Variants in ZNF706 observed in about 807,000 individuals in gnomAD.
The protein encoded by ZNF706 is transcriptional regulator ZNF706.
Under a neutral mutation model 9.2 loss-of-function variants are expected in ZNF706, and 4 were observed. That is an observed-to-expected ratio of 0.43 (90% CI 0.21 to 0.99). The LOEUF (loss-of-function observed/expected upper bound fraction) is 0.99. Among genes scored for constraint, ZNF706 ranks in the 50% least tolerant of loss-of-function variants. The pLI is 0.26. For missense variants in ZNF706, 27 were observed against 87.8 expected (o/e 0.31, Z 2.77); for synonymous variants, 28 against 27.3 (o/e 1.03, Z -0.08).
rs977514704 is a variant in ZNF706 at position 101,197,753 on chromosome 8, A to C, written c.*1499T>G. 5 of 152,234 alleles carry C rather than the reference A, an allele frequency of 3.3e-5. No homozygotes were observed. The highest frequency in any genetic ancestry group is 7.4e-5 in the Non-Finnish European group (5 of 68,026). The allele number at this position is 152,234 out of a possible 1,614,324, so 9.4% of individuals were successfully genotyped here. On this transcript the variant is annotated 3_prime_UTR_variant, in exon 4 of 4. Transcript: ENST00000311212. ...CTTAGGAAATAAAATACACAAAATA[A>C]AAGGACTATTTTAAAGTAAGGGCAT...
chr8:101,205,453 G>C lies in ZNF706; in HGVS notation c.-21C>G, dbSNP rs1014244411. On this transcript the variant is annotated 5_prime_UTR_variant, in exon 1 of 4. Transcript: ENST00000311212. The surrounding 1 kb of genome is among the most constrained non-coding windows in gnomAD (Gnocchi z 6.6). ...CGCTCACCCGGGCCGGGACAGTCTT[G>C]CGTCGGAGAGACAGTGCAGCGCGAG... 4.6e-5 allele frequency: 7 copies of C among 152,550 alleles called. No individual in the cohort carries two copies. The highest frequency in any genetic ancestry group is 1.7e-4 in the African/African-American group (7 of 41,388). The allele number at this position is 152,550 out of a possible 1,614,324, so 9.4% of individuals were successfully genotyped here.
chr8:101,199,292 C>G (rs1364277669), intron 3 of ZNF706, 53 bp from the exon 4 acceptor site: 2 of 696,630 alleles, frequency 2.9e-6, no homozygotes, highest in Non-Finnish European at 5.2e-6. Context: ...ACAAATGCAA[C>G]TTACATGCAT....
chr8:101,204,159 T>C (rs2129910410), intron 1 of ZNF706: 1 of 152,354 alleles, frequency 6.6e-6, no homozygotes, highest in East Asian at 1.9e-4. Flanking sequence ...ATTTCAGAAG[T>C]TCCTTTGCTT....
Position 101,199,015 on chromosome 8 carries a change from A to C in ZNF706, c.*237T>G. 1 of 422,470 alleles carries C rather than the reference A, an allele frequency of 2.4e-6. No individual in the cohort carries two copies. 26.2% of individuals were successfully genotyped at this position (422,470 alleles called of 1,614,324 possible). A position where few individuals can be genotyped will look rare whatever the true frequency, so the allele number is the denominator to read the frequency against. On this transcript the variant is annotated 3_prime_UTR_variant, in exon 4 of 4. Coordinates refer to ENST00000311212, the MANE Select transcript of ZNF706 (RefSeq NM_016096.5). ...ATCAATATAATTACAATTGTAAAAA[A>C]ATTTTTTATAACAAGGATGGACTGA...
At chr8:101,199,312 C>T in intron 3 of ZNF706, 73 bp from the exon 4 acceptor site, 2 of 694,502 alleles carry the variant, frequency 2.9e-6, no homozygotes, top group Non-Finnish European at 5.3e-6. Context: ...TTTCAAATAA[C>T]TAAGAAGAAA....
At position 101,198,323 on chromosome 8, in the gene ZNF706, C is replaced by G. The variant is rs569945785; in HGVS notation, c.*929G>C. The G allele has an allele frequency of 7.0e-4, 106 of 152,342 alleles. No individual in the cohort carries two copies. Among genetic ancestry groups the G allele is most frequent in the African/African-American group, 2.5e-3 (104 of 41,582 alleles). The allele number at this position is 152,342 out of a possible 1,614,324, so 9.4% of individuals were successfully genotyped here. A position where few individuals can be genotyped will look rare whatever the true frequency, so the allele number is the denominator to read the frequency against. On this transcript the variant is annotated 3_prime_UTR_variant, in exon 4 of 4. Coordinates refer to ENST00000311212, the MANE Select transcript of ZNF706 (RefSeq NM_016096.5). ...TAATCCAGCCACAAGTCATTCCAAT[C>G]TTCCTGTTAATGCAAAATCCATTTG...
chr8:101,199,484 A>G (rs752324974), intron 3 of ZNF706, among the ~76,000 whole-genome samples: 1 of 152,074 alleles, frequency 6.6e-6, no homozygotes, highest in East Asian at 2.0e-4. Context: ...GTGTAAAGTG[A>G]TAACTTTCAA....
chr8:101,204,927 GGA>G, intron 1 of ZNF706: 1 of 985,622 alleles, frequency 1.0e-6, no homozygotes, highest in Non-Finnish European at 1.2e-6. Context: ...TTTGGGGAGA[GGA>G]GAGGAGGAAC....
intron 3 of ZNF706, 44 bp from the exon 4 acceptor site, chr8:101,199,283 C>T (rs575330143): frequency 2.9e-6 from 2 of 698,934 alleles, no homozygotes; most frequent in South Asian, 3.0e-5. Flanking sequence ...TACCATTGCA[C>T]AAATGCAACT....
At chr8:101,204,243 T>C (rs558264526) in intron 1 of ZNF706, 2 of 152,328 alleles carry the variant, frequency 1.3e-5, no homozygotes, top group East Asian at 1.9e-4. Context: ...ACACACAAAA[T>C]TATTTTTAAC....
chr8:101,205,635 G>A lies in ZNF706; in HGVS notation c.-203C>T, dbSNP rs1322613736. 3 of 159,596 alleles carry A rather than the reference G, an allele frequency of 1.9e-5. No homozygotes were observed. The highest frequency in any genetic ancestry group is 3.4e-4 in the South Asian group (2 of 5,868). The allele number at this position is 159,596 out of a possible 1,614,324, so 9.9% of individuals were successfully genotyped here. A position where few individuals can be genotyped will look rare whatever the true frequency, so the allele number is the denominator to read the frequency against. On this transcript the variant is annotated 5_prime_UTR_variant, in exon 1 of 4. Transcript: ENST00000311212. The surrounding 1 kb of genome is among the most constrained non-coding windows in gnomAD (Gnocchi z 6.6). ...CGCGCCCGCCGCCGCCTCAGCCTTA[G>A]GGGAGACCACTACGCCTCGTGCCCG...
chr8:101,199,332 GATA>G (rs1487097137), intron 3 of ZNF706, 93 bp from the exon 4 acceptor site: 2 of 679,098 alleles, frequency 2.9e-6, no homozygotes, highest in African/African-American at 3.6e-5. Context: ...ACACTATGAA[GATA>G]ATATCTGGTA....
At chr8:101,202,804 T>A (rs537709730) in intron 1 of ZNF706, 1 of 152,344 alleles carries the variant, frequency 6.6e-6, no homozygotes, top group Non-Finnish European at 1.5e-5. Flanking sequence ...TTGATCACTC[T>A]GCAAAAGTAA....
chr8:101,202,776 G>T (rs994198670), intron 1 of ZNF706: 2 of 152,084 alleles, frequency 1.3e-5, no homozygotes, highest in African/African-American at 4.8e-5. Flanking sequence ...AAAAAGTTTA[G>T]CCCCCGCTAT....
chr8:101,200,483 G>T (rs1810518634), intron 2 of ZNF706, among the ~76,000 whole-genome samples: 1 of 151,990 alleles, frequency 6.6e-6, no homozygotes, highest in South Asian at 2.1e-4. Flanking sequence ...ATTTGCCCAA[G>T]ACCTTATTTT....
Position 101,201,558 on chromosome 8 carries a change from C to A in ZNF706, c.135+49G>T, listed in dbSNP as rs760950632. On this transcript the variant is annotated intron_variant, in intron 2 of 3. Coordinates refer to ENST00000311212, the MANE Select transcript of ZNF706 (RefSeq NM_016096.5). The surrounding 1 kb of genome is among the most constrained non-coding windows in gnomAD (Gnocchi z 4.5). Reference sequence around the variant, plus strand: ...GTTTCAAAATTTTAATCTATTCAAGCCAAAACTGCCCACGGGAGAGCTGTA... The same window carrying A: ...GTTTCAAAATTTTAATCTATTCAAGACAAAACTGCCCACGGGAGAGCTGTA... The A allele has an allele frequency of 4.4e-6, 7 of 1,575,380 alleles. No homozygotes were observed. The highest frequency in any genetic ancestry group is 6.0e-6 in the Non-Finnish European group (7 of 1,161,154).
chr8:101,205,211 C>G lies in ZNF706; in HGVS notation c.-3+224G>C, dbSNP rs572035835. On this transcript the variant is annotated intron_variant, in intron 1 of 3. Coordinates refer to ENST00000311212, the MANE Select transcript of ZNF706 (RefSeq NM_016096.5). This position sits in a 1 kb window ranked among gnomAD's most constrained non-coding sequence, Gnocchi z 6.6. ...CGGCTGTCGCCGGGGGTAAGGTTAC[C>G]GCTCCGCTTCCGCGGCTGGCCTGCG... 1 of 152,450 alleles carries G rather than the reference C, an allele frequency of 6.6e-6. No individual in the cohort carries two copies. Among genetic ancestry groups the G allele is most frequent in the Non-Finnish European group, 1.5e-5 (1 of 68,310 alleles). 9.4% of individuals were successfully genotyped at this position (152,450 alleles called of 1,614,324 possible).
At position 101,197,678 on chromosome 8, in the gene ZNF706, A is replaced by G. The variant is rs1340446011; in HGVS notation, c.*1574T>C. 6.6e-6 allele frequency: 1 copy of G among 152,258 alleles called. No individual in the cohort carries two copies. Among genetic ancestry groups the G allele is most frequent in the Non-Finnish European group, 1.5e-5 (1 of 68,038 alleles). 9.4% of individuals were successfully genotyped at this position (152,258 alleles called of 1,614,324 possible). A position where few individuals can be genotyped will look rare whatever the true frequency, so the allele number is the denominator to read the frequency against. ...TCCACAAGAAATTAGGTAAAATTCT[A>G]ACGTTCTGGTAATCGACATGTTAGG... is the stretch of plus-strand genomic sequence containing the variant. On this transcript the variant is annotated 3_prime_UTR_variant, in exon 4 of 4. Coordinates refer to ENST00000311212, the MANE Select transcript of ZNF706 (RefSeq NM_016096.5).
Position 101,201,531 on chromosome 8 carries a change from T to A in ZNF706, c.135+76A>T, listed in dbSNP as rs530279504. 10 of 1,338,666 alleles carry A rather than the reference T, an allele frequency of 7.5e-6. No individual in the cohort carries two copies. The South Asian group carries it at 1.2e-4, about 17-fold the overall frequency. 82.9% of individuals were successfully genotyped at this position (1,338,666 alleles called of 1,614,324 possible). A position where few individuals can be genotyped will look rare whatever the true frequency, so the allele number is the denominator to read the frequency against. On this transcript the variant is annotated intron_variant, in intron 2 of 3. Coordinates refer to ENST00000311212, the MANE Select transcript of ZNF706 (RefSeq NM_016096.5). This position sits in a 1 kb window ranked among gnomAD's most constrained non-coding sequence, Gnocchi z 4.5. ...TTCATGTAAAGCATCTATTTTGCCA[T>A]GGTTTCAAAATTTTAATCTATTCAA...
Sources: gnomAD v4.1 joint callset for allele counts (sites outside exome capture counted in the v4.1 genomes callset) on GRCh38, gnomAD v4.1.1 for gene constraint, Gnocchi (gnomAD v3.1) non-coding constraint, MANE v1.5 for transcripts, NCBI Gene and HGNC (gene_info 2026-07-23, HGNC 2026-07-21) for gene names.